Variants in ZNF569 observed in about 807,000 individuals in gnomAD.
ZNF569 encodes the protein zinc finger protein 569, also known as DNA-binding protein.
Under a neutral mutation model 56.3 loss-of-function variants are expected in ZNF569, and 38 were observed. The observed-to-expected ratio is 0.68, with a 90% CI of 0.52 to 0.88. The LOEUF (loss-of-function observed/expected upper bound fraction) is 0.88, where lower values mean the gene tolerates loss of function less well. ZNF569 is among the 40% of genes least tolerant of loss of function. The pLI is 0.00. For missense variants in ZNF569, 666 were observed against 809.2 expected, an observed-to-expected ratio of 0.82 and a Z score of 2.15; for synonymous variants, 241 against 262.9, an observed-to-expected ratio of 0.92 and a Z score of 0.81.
intron 2 of ZNF569, among the ~76,000 whole-genome samples, chr19:37,453,086 T>G (rs955743675): frequency 6.6e-6 from 1 of 152,194 alleles, no homozygotes; most frequent in Non-Finnish European, 1.5e-5. Flanking sequence ...TTATTTAGTC[T>G]GATGTTGAAT....
intron 2 of ZNF569, among the ~76,000 whole-genome samples, chr19:37,457,846 T>A (rs1265625888): frequency 6.6e-6 from 1 of 152,120 alleles, no homozygotes; most frequent in Non-Finnish European, 1.5e-5. Context: ...AAAAAAAGAA[T>A]AAACAAAATA....
chr19:37,438,476 G>A (rs541725280), intron 3 of ZNF569, among the ~76,000 whole-genome samples: 1 of 152,122 alleles, frequency 6.6e-6, no homozygotes, highest in African/African-American at 2.4e-5. Flanking sequence ...CATCTCCAGC[G>A]AACTCATTTT....
chr19:37,464,646 G>T (rs1317182728), intron 2 of ZNF569, among the ~76,000 whole-genome samples: 1 of 152,076 alleles, frequency 6.6e-6, no homozygotes, highest in Non-Finnish European at 1.5e-5. Context: ...TATAGCCTAG[G>T]TTTGCAGGAG....
intron 3 of ZNF569, among the ~76,000 whole-genome samples, chr19:37,442,853 G>A (rs1169646790): frequency 3.3e-5 from 5 of 152,158 alleles, no homozygotes; most frequent in Non-Finnish European, 7.4e-5. Flanking sequence ...TAAAAGACAG[G>A]AAGAAACAAT....
chr19:37,423,693 C>G (rs2041075836), intron 5 of ZNF569, among the ~76,000 whole-genome samples: 1 of 152,078 alleles, frequency 6.6e-6, no homozygotes, highest in Non-Finnish European at 1.5e-5. Flanking sequence ...GTTAAGAGTT[C>G]ATACAAATTA....
In ZNF569 at chr19:37,419,891, T is replaced by G. The variant is rs141178857; in HGVS notation, c.239-5472A>C. Among the ~76,000 whole-genome samples, 956 of 151,950 alleles carry G rather than the reference T, an allele frequency of 6.3e-3. 25 individuals are homozygous for G. Among genetic ancestry groups the G allele is most frequent in the East Asian group, 0.053 (274 of 5,180 alleles). On this transcript the variant is annotated intron_variant, in intron 5 of 5. Coordinates refer to ENST00000316950, the MANE Select transcript of ZNF569 (RefSeq NM_152484.3). ...TGATAGGTGTCTTCCTCAATCTCAATGTTGATGGCTGCTGACTAATCAAGG... is the reference window on the plus strand; with the variant it reads ...TGATAGGTGTCTTCCTCAATCTCAAGGTTGATGGCTGCTGACTAATCAAGG...
chr19:37,446,173 C>T (rs1472863634), intron 2 of ZNF569, among the ~76,000 whole-genome samples: 1 of 152,044 alleles, frequency 6.6e-6, no homozygotes, highest in African/African-American at 2.4e-5. Flanking sequence ...ATATCTTTGA[C>T]AAAACAAACA....
At chr19:37,449,231 C>A (rs1193402501) in intron 2 of ZNF569, among the ~76,000 whole-genome samples, 1 of 152,174 alleles carries the variant, frequency 6.6e-6, no homozygotes, top group Non-Finnish European at 1.5e-5. Flanking sequence ...TCTATTATGG[C>A]CCCAAATATG....
In ZNF569 at chr19:37,420,276, C is replaced by T. The variant is rs566131017; in HGVS notation, c.238+5592G>A. 2.6e-5 allele frequency among the ~76,000 whole-genome samples: 4 copies of T among 152,224 alleles called. No individual in the cohort carries two copies. The East Asian group carries it at 5.8e-4, about 22-fold the overall frequency. On this transcript the variant is annotated intron_variant, in intron 5 of 5. Transcript: ENST00000316950. Reference sequence around the variant, plus strand: ...GTGCTCGGATTACAGGTGTGAGCCACTGCGCCGGCCCCAATTTCTTAAGAT... The same window carrying T: ...GTGCTCGGATTACAGGTGTGAGCCATTGCGCCGGCCCCAATTTCTTAAGAT...
At chr19:37,418,466 A>T (rs896346434) in intron 5 of ZNF569, among the ~76,000 whole-genome samples, 1 of 152,208 alleles carries the variant, frequency 6.6e-6, no homozygotes, top group African/African-American at 2.4e-5. Flanking sequence ...AACAGACAAC[A>T]ATGGATGATA....
chr19:37,455,086 C>G (rs2041651910), intron 2 of ZNF569: 3 of 455,330 alleles, frequency 6.6e-6, no homozygotes, highest in South Asian at 9.0e-5. Flanking sequence ...AAGGAGAAAC[C>G]CAAAGTCCCC....
rs765642979 is a variant in ZNF569 at position 37,412,973 on chromosome 19, C to T, written c.1685G>A (p.Cys562Tyr). 6 of 1,613,034 alleles carry T rather than the reference C, an allele frequency of 3.7e-6. No individual in the cohort carries two copies. The highest frequency in any genetic ancestry group is 2.7e-5 in the African/African-American group (2 of 74,716). The change falls in exon 6 of 6, where the codon TGC (cysteine) becomes TAC (tyrosine). Residue 562 changes from cysteine to tyrosine, a missense_variant. Coordinates refer to ENST00000316950, the MANE Select transcript of ZNF569 (RefSeq NM_152484.3). ...TCTCATATGTAAATTAAGCAGTGAG[C>T]ACTGAGAGAAGGCTTTACCACATTT... ...CDKCGKAFSQ[C>Y]SLLNLHMRSH... is the part of the protein sequence containing the mutation.
At chr19:37,428,117 T>C (rs1048987834) in intron 3 of ZNF569, among the ~76,000 whole-genome samples, 1 of 152,180 alleles carries the variant, frequency 6.6e-6, no homozygotes, top group East Asian at 1.9e-4. Context: ...AAAATACATT[T>C]GAAGAAAATA....
intron 3 of ZNF569, among the ~76,000 whole-genome samples, chr19:37,431,194 A>C (rs1157570940): frequency 6.6e-6 from 1 of 152,044 alleles, no homozygotes; most frequent in African/African-American, 2.4e-5. Context: ...GGGTCATGGG[A>C]CCCAGTGAGA....
At chr19:37,466,569 G>A (rs2041841835) in intron 1 of ZNF569, among the ~76,000 whole-genome samples, 1 of 152,160 alleles carries the variant, frequency 6.6e-6, no homozygotes, top group Admixed American at 6.5e-5. Flanking sequence ...GGAGGTTGCG[G>A]TGAGCCAAGA....
chr19:37,418,756 G>C (rs577807405), intron 5 of ZNF569, among the ~76,000 whole-genome samples: 1 of 152,260 alleles, frequency 6.6e-6, no homozygotes, highest in East Asian at 1.9e-4. Flanking sequence ...GAGAAGATGG[G>C]AAGACTACTC....
Position 37,413,101 on chromosome 19 carries a change from C to T in ZNF569, c.1557G>A (p.Glu519=), listed in dbSNP as rs2040866470. 6.2e-7 allele frequency: 1 copy of T among 1,613,134 alleles called. No homozygotes were observed. The highest frequency in any genetic ancestry group is 1.1e-5 in the South Asian group (1 of 90,948). ...CACATTCATTACAATCATAAGGTTT[C>T]TCTCCAGTATGAACTTTTTGATGTG... ...FITHQKVHTG[E]KPYDCNECGK... is the part of the protein sequence containing the mutation. The change falls in exon 6 of 6, where the codon GAG becomes GAA. Residue 519 remains glutamate, a synonymous_variant. Coordinates refer to ENST00000316950, the MANE Select transcript of ZNF569 (RefSeq NM_152484.3).
chr19:37,427,491 T>C lies in ZNF569; in HGVS notation c.16-1113A>G, dbSNP rs2041154163. 2.0e-5 allele frequency among the ~76,000 whole-genome samples: 3 copies of C among 152,086 alleles called. No individual in the cohort carries two copies. In the South Asian group the frequency reaches 6.2e-4, roughly 32 times the overall value. ...ACTCAGCCTGGAAAAAAGGGAGCAA[T>C]CCATATTTCCTACTGTTTCAGGAAT... On this transcript the variant is annotated intron_variant, in intron 3 of 5. Coordinates refer to ENST00000316950, the MANE Select transcript of ZNF569 (RefSeq NM_152484.3).
chr19:37,440,399 G>GT (rs1208738148), intron 3 of ZNF569, among the ~76,000 whole-genome samples: 1 of 152,126 alleles, frequency 6.6e-6, no homozygotes, highest in Non-Finnish European at 1.5e-5. Flanking sequence ...GCAGAATGGT[G>GT]TTTGCCAGGG....
Sources: allele counts gnomAD v4.1 joint callset (sites outside exome capture counted in the v4.1 genomes callset), GRCh38; gene constraint gnomAD v4.1.1; transcripts MANE v1.5; gene names NCBI Gene and HGNC (gene_info 2026-07-23, HGNC 2026-07-21).